FANK1: variants seen among roughly 807,000 people sequenced by gnomAD.
FANK1 encodes the protein fibronectin type III and ankyrin repeat domains 1.
In FANK1, 44 loss-of-function variants were observed where a neutral mutation model predicts 45.3. The ratio of observed to expected loss-of-function variants is 0.97; its 90% CI spans 0.76 to 1.25. The LOEUF is 1.25. FANK1 is among the 50% of genes most tolerant of loss of function. The pLI is 0.00. For missense variants in FANK1, 391 were observed against 424.4 expected, an observed-to-expected ratio of 0.92 and a Z score of 0.69; for synonymous variants, 149 against 152.5, an observed-to-expected ratio of 0.98 and a Z score of 0.17.
intron 1 of FANK1, among the ~76,000 whole-genome samples, chr10:125,941,865 C>T (rs1948473001): frequency 6.6e-6 from 1 of 152,198 alleles, no homozygotes; most frequent in East Asian, 1.9e-4. Context: ...ATTCATATTA[C>T]AATGTTATTT....
chr10:125,897,408 T>C (rs1944638925), intron 1 of FANK1, among the ~76,000 whole-genome samples: 1 of 152,306 alleles, frequency 6.6e-6, no homozygotes, highest in Admixed American at 6.5e-5. Flanking sequence ...GCCTAAGCTG[T>C]CTTATTGTTC....
At chr10:125,980,094 C>A in intron 1 of FANK1, 67 bp from the exon 2 acceptor site, 1 of 1,515,864 alleles carries the variant, frequency 6.6e-7, no homozygotes, top group Non-Finnish European at 8.9e-7. Context: ...CAGCTGTAAT[C>A]CACTCGACTG....
At chr10:126,003,828 A>G (rs1029604761) in intron 6 of FANK1, among the ~76,000 whole-genome samples, 1 of 152,010 alleles carries the variant, frequency 6.6e-6, no homozygotes, top group Admixed American at 6.5e-5. Flanking sequence ...GGCTCTTGCC[A>G]CCACTCCCAG....
intron 5 of FANK1, among the ~76,000 whole-genome samples, chr10:125,997,105 T>G (rs1952390683): frequency 6.6e-6 from 1 of 152,238 alleles, no homozygotes; most frequent in Non-Finnish European, 1.5e-5. Flanking sequence ...CATTACATGC[T>G]ACCATTTAAG....
rs772976548 is a variant in FANK1, at chr10:126,009,246, G to A, written c.952G>A (p.Ala318Thr). The change falls in exon 10 of 11, where the codon GCC (alanine) becomes ACC (threonine). Residue 318 changes from alanine to threonine, a missense_variant. Physicochemically the swap from Ala to Thr is moderately conservative, Grantham distance 58. Coordinates refer to ENST00000368693, the MANE Select transcript of FANK1 (RefSeq NM_145235.5). ...NEFGKGVLEM[A>T]RVFDRQSVVS... ...GTTCGGCAAAGGTGTCCTAGAAATGGCCAGAGTTTTTGACAGACAGGTTGG... is the reference window on the plus strand; with the variant it reads ...GTTCGGCAAAGGTGTCCTAGAAATGACCAGAGTTTTTGACAGACAGGTTGG... 6.2e-7 allele frequency: 1 copy of A among 1,614,150 alleles called. No individual in the cohort carries two copies. The highest frequency in any genetic ancestry group is 8.5e-7 in the Non-Finnish European group (1 of 1,180,022).
intron 1 of FANK1, among the ~76,000 whole-genome samples, chr10:125,900,601 C>T (rs551779256): frequency 6.6e-6 from 1 of 152,138 alleles, no homozygotes; most frequent in Admixed American, 6.5e-5. Context: ...CAGCAGGCAG[C>T]AGTTTTCTGC....
intron 1 of FANK1, among the ~76,000 whole-genome samples, chr10:125,953,865 C>A (rs1031975509): frequency 2.0e-5 from 3 of 152,162 alleles, no homozygotes; most frequent in Non-Finnish European, 4.4e-5. Context: ...CTGCCTTCCC[C>A]ATGGGCTGCT....
At chr10:125,991,974 T>C (rs6597729) in intron 3 of FANK1, among the ~76,000 whole-genome samples, 105,746 of 151,716 alleles carry the variant, frequency 0.7, 37,266 homozygotes, top group East Asian at 0.77. Context: ...TGAGTCCATC[T>C]GGCTCACGTG....
chr10:125,967,226 CA>C (rs1950242339), intron 1 of FANK1, among the ~76,000 whole-genome samples: 3 of 152,114 alleles, frequency 2.0e-5, no homozygotes, highest in Admixed American at 2.0e-4. Context: ...GTAGATAGCA[CA>C]TGGAAAGTTA....
At chr10:125,944,676 C>T (rs1414305670) in intron 1 of FANK1, among the ~76,000 whole-genome samples, 1 of 152,232 alleles carries the variant, frequency 6.6e-6, no homozygotes, top group Non-Finnish European at 1.5e-5. Context: ...TAAAGGCATT[C>T]TTAAGCTACA....
chr10:126,006,407 G>A (rs1953204698), intron 7 of FANK1, among the ~76,000 whole-genome samples: 2 of 152,220 alleles, frequency 1.3e-5, no homozygotes, highest in African/African-American at 4.8e-5. Flanking sequence ...AGAGGCAGAA[G>A]GCTGAGTCAG....
chr10:125,988,589 C>A lies in FANK1; in HGVS notation c.230C>A (p.Pro77Gln). 6.2e-7 allele frequency: 1 copy of A among 1,614,172 alleles called. No individual in the cohort carries two copies. Among genetic ancestry groups the A allele is most frequent in the Non-Finnish European group, 8.5e-7 (1 of 1,180,040 alleles). The part of the protein sequence containing the change: ...ATKHVVEGLE[P>Q]RTLYRFRLKV... ...AAGCATGTTGTTGAAGGTCTGGAAC[C>A]AAGGACGCTGTACAGATTTCGCCTG... Residue 77 changes from proline to glutamine, a missense_variant, in exon 3 of 11, where the codon CCA becomes CAA. Pro to Gln is a moderately conservative substitution (Grantham distance 76, BLOSUM62 -1). Transcript: ENST00000368693.
At chr10:125,926,015 GT>G (rs1348929606) in intron 1 of FANK1, among the ~76,000 whole-genome samples, 4 of 151,510 alleles carry the variant, frequency 2.6e-5, no homozygotes, top group Non-Finnish European at 5.9e-5. Context: ...TCTAGTCTTT[GT>G]TTATATTCTT....
chr10:125,996,498 T>A lies in FANK1; in HGVS notation c.399-52T>A, dbSNP rs554029308. ...CCCTGTGAGAACCACCGGCTTTGAC[T>A]CTGCAGTAGCTGTACTGAGCATGTT... On this transcript the variant is annotated intron_variant, in intron 4 of 10. Coordinates refer to ENST00000368693, the MANE Select transcript of FANK1 (RefSeq NM_145235.5). 8.3e-6 allele frequency: 13 copies of A among 1,566,152 alleles called. No individual in the cohort carries two copies. The East Asian group carries it at 2.9e-4, about 35-fold the overall frequency.
intron 1 of FANK1, among the ~76,000 whole-genome samples, chr10:125,952,186 A>T (rs1013898439): frequency 1.3e-5 from 2 of 151,712 alleles, no homozygotes; most frequent in African/African-American, 4.8e-5. Flanking sequence ...ATTTTATTTC[A>T]TGTGATTTGC....
At chr10:125,934,956 C>T (rs778552884) in intron 1 of FANK1, among the ~76,000 whole-genome samples, 2 of 152,000 alleles carry the variant, frequency 1.3e-5, no homozygotes, top group Non-Finnish European at 2.9e-5. Flanking sequence ...GCTCCCAGCA[C>T]GATGCTGTTT....
intron 1 of FANK1, among the ~76,000 whole-genome samples, chr10:125,903,934 C>G (rs1322779585): frequency 6.6e-6 from 1 of 152,024 alleles, no homozygotes; most frequent in Non-Finnish European, 1.5e-5. Flanking sequence ...ACTGCAACCT[C>G]CACCTCCTGG....
intron 5 of FANK1, 41 bp from the exon 6 acceptor site, chr10:125,997,379 A>G (rs1289632233): frequency 2.4e-5 from 37 of 1,570,250 alleles, no homozygotes; most frequent in Non-Finnish European, 3.1e-5. Context: ...CTGAGTGATC[A>G]AGGTGACTTA....
intron 1 of FANK1, among the ~76,000 whole-genome samples, chr10:125,934,963 G>T (rs1947998619): frequency 6.6e-6 from 1 of 152,046 alleles, no homozygotes; most frequent in Non-Finnish European, 1.5e-5. Flanking sequence ...GCACGATGCT[G>T]TTTCTTCCCC....
Sources: allele counts gnomAD v4.1 joint callset (sites outside exome capture counted in the v4.1 genomes callset), GRCh38; gene constraint gnomAD v4.1.1; transcripts MANE v1.5; gene names NCBI Gene and HGNC (gene_info 2026-07-23, HGNC 2026-07-21).